FCGRT: variants seen among roughly 807,000 people sequenced by gnomAD.
FCGRT encodes Fc gamma receptor and transporter, also known as IgG receptor FcRn large subunit p51.
FCGRT carries 13 observed loss-of-function variants against 35.7 expected under a neutral mutation model. The ratio of observed to expected loss-of-function variants is 0.36; its 90% CI spans 0.24 to 0.58. FCGRT has a LOEUF of 0.58. Ranked by LOEUF, FCGRT falls within the 20% of genes least tolerant of loss-of-function variation. The pLI, the probability that FCGRT is intolerant of heterozygous loss-of-function variation, is 0.77. For missense variants in FCGRT, 455 were observed against 474.9 expected (o/e 0.96, Z 0.39); for synonymous variants, 233 against 216.5 (o/e 1.08, Z -0.67).
At chr19:49,525,125 A>G (rs1422909548) in intron 5 of FCGRT, 1 of 521,332 alleles carries the variant, frequency 1.9e-6, no homozygotes. Flanking sequence ...CGTCCTCACC[A>G]AGACTGACTG....
At chr19:49,515,654 T>C (rs1348866685) in intron 4 of FCGRT, among the ~76,000 whole-genome samples, 1 of 152,202 alleles carries the variant, frequency 6.6e-6, no homozygotes, top group African/African-American at 2.4e-5. Context: ...CTCAAACTCC[T>C]GGCCTCAAGT....
At chr19:49,516,516 G>C (rs2080008674) in intron 4 of FCGRT, among the ~76,000 whole-genome samples, 1 of 151,512 alleles carries the variant, frequency 6.6e-6, no homozygotes, top group African/African-American at 2.4e-5. Context: ...CTCCCAAAGT[G>C]CTGGAATTAC....
chr19:49,514,136 G>C lies in FCGRT; in HGVS notation c.325+3G>C, dbSNP rs752845252. ...TTTCAAAGCTTTGGGGGGAAAAGGT[G>C]AGATTCCGGTCTGGAGGGGCAAGGG... is the stretch of plus-strand genomic sequence containing the variant. On this transcript the variant is annotated splice_donor_region_variant and intron_variant, in intron 3 of 6. Coordinates refer to ENST00000221466, the MANE Select transcript of FCGRT (RefSeq NM_001136019.3). 4.3e-6 allele frequency: 7 copies of C among 1,612,912 alleles called. No individual in the cohort carries two copies. The East Asian group carries it at 1.6e-4, about 36-fold the overall frequency.
At chr19:49,523,704 C>A (rs1359558809) in intron 4 of FCGRT, among the ~76,000 whole-genome samples, 1 of 151,154 alleles carries the variant, frequency 6.6e-6, no homozygotes, top group East Asian at 2.0e-4. Flanking sequence ...ACTAAAAATA[C>A]AAAAAATTAG....
chr19:49,521,273 C>T (rs919489837), intron 4 of FCGRT: 1 of 152,160 alleles, frequency 6.6e-6, no homozygotes, highest in Non-Finnish European at 1.5e-5. Flanking sequence ...CAAGGCTGGT[C>T]TAGAAGTCCT....
chr19:49,519,568 T>C (rs575953057), intron 4 of FCGRT, among the ~76,000 whole-genome samples: 10 of 152,204 alleles, frequency 6.6e-5, no homozygotes, highest in Non-Finnish European at 1.2e-4. Context: ...CTTTGCATCC[T>C]GTGATGTTGC....
intron 5 of FCGRT, 101 bp from the exon 6 acceptor site, chr19:49,525,356 A>T: frequency 1.1e-6 from 1 of 876,192 alleles, no homozygotes; most frequent in Admixed American, 1.7e-5. Flanking sequence ...TTGGTGCTGG[A>T]ATCTCCGAGG....
In FCGRT at chr19:49,526,042, G is replaced by A. The variant is rs775893397; in HGVS notation, c.1021G>A (p.Gly341Arg). ...GATCTCCCTTCGTGGAGACGACACC[G>A]GGGTCCTCCTGCCCACCCCAGGGGA... ...PWISLRGDDTGVLLPTPGEAQ... is the reference protein window; with the variant it reads ...PWISLRGDDTRVLLPTPGEAQ... Residue 341 changes from glycine to arginine, a missense_variant, in exon 7 of 7, where the codon GGG becomes AGG. Physicochemically the swap from Gly to Arg is moderately radical, Grantham distance 125. Coordinates refer to ENST00000221466, the MANE Select transcript of FCGRT (RefSeq NM_001136019.3). 22 of 1,613,032 alleles carry A rather than the reference G, an allele frequency of 1.4e-5. No individual in the cohort carries two copies. The highest frequency in any genetic ancestry group is 5.5e-5 in the South Asian group (5 of 91,064).
At chr19:49,524,391 T>G (rs915728302) in intron 4 of FCGRT, 116 bp from the exon 5 acceptor site, 1 of 1,156,402 alleles carries the variant, frequency 8.6e-7, no homozygotes, top group East Asian at 2.4e-5. Flanking sequence ...CTTTTACCAC[T>G]GTATTATCTG....
Position 49,525,568 on chromosome 19 carries a change from T to G in FCGRT, c.983T>G (p.Leu328Arg). The change falls in exon 6 of 7, where the codon CTG becomes CGG. Residue 328 changes from leucine to arginine, a missense_variant. Transcript: ENST00000221466. ...ALLWRRMRSG[L>R]PAPWISLRGD... ...TTGTGGAGAAGGATGAGGAGTGGGC[T>G]GCCAGGTGGGGGGCAGCGGGAGGAA... 6.2e-7 allele frequency: 1 copy of G among 1,609,354 alleles called. No individual in the cohort carries two copies. Among genetic ancestry groups the G allele is most frequent in the Non-Finnish European group, 8.5e-7 (1 of 1,177,096 alleles).
At position 49,524,760 on chromosome 19, in the gene FCGRT, C is replaced by T. The variant is rs1179860116; in HGVS notation, c.855C>T (p.Pro285=). 13 of 1,600,450 alleles carry T rather than the reference C, an allele frequency of 8.1e-6. No homozygotes were observed. In the Admixed American group the frequency reaches 2.0e-4, roughly 25 times the overall value. The part of the protein sequence containing the change: ...CIVQHAGLAQ[P]LRVELESPAK... Reference sequence around the variant, plus strand: ...TGCAGCACGCGGGGCTGGCGCAGCCCCTCAGGGTGGAGCTGGGTGAGGTCC... The same window carrying T: ...TGCAGCACGCGGGGCTGGCGCAGCCTCTCAGGGTGGAGCTGGGTGAGGTCC... The change falls in exon 5 of 7, where the codon CCC becomes CCT. Residue 285 remains proline, a synonymous_variant. Coordinates refer to ENST00000221466, the MANE Select transcript of FCGRT (RefSeq NM_001136019.3).
intron 4 of FCGRT, among the ~76,000 whole-genome samples, chr19:49,522,443 AT>A (rs1218913739): frequency 7.1e-6 from 1 of 140,424 alleles, no homozygotes; most frequent in Admixed American, 7.2e-5. Context: ...TTAATTTTTT[AT>A]TTTTTTTGAG....
At chr19:49,523,677 G>A (rs1263624214) in intron 4 of FCGRT, among the ~76,000 whole-genome samples, 2 of 151,898 alleles carry the variant, frequency 1.3e-5, no homozygotes, top group Non-Finnish European at 2.9e-5. Context: ...TGGCTAAGAC[G>A]GTGAAACCCC....
At chr19:49,520,153 G>A (rs1441879169) in intron 4 of FCGRT, among the ~76,000 whole-genome samples, 3 of 108,356 alleles carry the variant, frequency 2.8e-5, no homozygotes, top group Admixed American at 2.0e-4. Flanking sequence ...TTTTTTGAGA[G>A]GGCGTCTCCC....
rs765233786 is a variant in FCGRT, at chr19:49,514,337, G to A, written c.452G>A (p.Gly151Asp). The change falls in exon 4 of 7, where the codon GGT (glycine) becomes GAT (aspartate). Residue 151 changes from glycine (G) to aspartate (D), a missense_variant. This residue lies in a region of FCGRT where 312 missense variants were observed against 296.1 expected (regional missense o/e 1.05). Coordinates refer to ENST00000221466, the MANE Select transcript of FCGRT (RefSeq NM_001136019.3). The stretch of plus-strand genomic sequence containing the variant: ...TTCGACCTCAAGCAGGGCACCTGGG[G>A]TGGGGACTGGCCCGAGGCCCTGGCT... ...MNFDLKQGTW[G>D]GDWPEALAIS... The A allele has an allele frequency of 1.2e-6, 2 of 1,613,742 alleles. No individual in the cohort carries two copies. Among genetic ancestry groups the A allele is most frequent in the South Asian group, 2.2e-5 (2 of 90,980 alleles).
chr19:49,526,388 A>C lies in FCGRT; in HGVS notation c.*269A>C, dbSNP rs2080077878. ...GGGAGGTAAGGGAATAAGTCGGGGGACTGAATGGCGGCTGGGCCTCGGATC... is the reference window on the plus strand; with the variant it reads ...GGGAGGTAAGGGAATAAGTCGGGGGCCTGAATGGCGGCTGGGCCTCGGATC... On this transcript the variant is annotated 3_prime_UTR_variant, in exon 7 of 7. Transcript: ENST00000221466. 2 of 481,130 alleles carry C rather than the reference A, an allele frequency of 4.2e-6. No individual in the cohort carries two copies. The highest frequency in any genetic ancestry group is 4.9e-5 in the South Asian group (2 of 40,910). The allele number at this position is 481,130 out of a possible 1,614,324, so 29.8% of individuals were successfully genotyped here.
At chr19:49,525,327 G>A (rs1262356768) in intron 5 of FCGRT, 130 bp from the exon 6 acceptor site, 9 of 759,234 alleles carry the variant, frequency 1.2e-5, no homozygotes, top group African/African-American at 3.4e-5. Context: ...GCCTGGCCTC[G>A]CCTCTGCCCA....
At chr19:49,523,207 G>A (rs150649266) in intron 4 of FCGRT, among the ~76,000 whole-genome samples, 1 of 152,096 alleles carries the variant, frequency 6.6e-6, no homozygotes, top group Non-Finnish European at 1.5e-5. Context: ...TACATTGGAA[G>A]AATTCACTAA....
At chr19:49,513,725 T>TCTCTCTCTCA (rs2122660288) in intron 2 of FCGRT, 157 bp from the exon 3 acceptor site, 1 of 596,886 alleles carries the variant, frequency 1.7e-6, no homozygotes, top group Non-Finnish European at 2.8e-6. Flanking sequence ...TCTCTCTCTC[T>TCTCTCTCTCA]CTGGGTCTCT....
Sources: allele counts gnomAD v4.1 joint callset (sites outside exome capture counted in the v4.1 genomes callset), GRCh38; gene constraint gnomAD v4.1.1; regional missense constraint gnomAD v4.1.1; transcripts MANE v1.5; gene names NCBI Gene and HGNC (gene_info 2026-07-23, HGNC 2026-07-21).